The following RANGAP1 variants were observed in gnomAD, a reference collection of about 807,000 sequenced individuals.
RANGAP1 encodes the protein ran GTPase-activating protein 1.
A neutral mutation model predicts 63.5 loss-of-function variants in RANGAP1; 38 were observed. The observed-to-expected ratio is 0.60, with a 90% CI of 0.46 to 0.78. The LOEUF is 0.78. RANGAP1 is among the 30% of genes least tolerant of loss of function. The probability of loss-of-function intolerance (pLI) is 0.00; values close to 1 mark genes in which losing one functional copy is unlikely to be tolerated. For synonymous variants in RANGAP1, 329 were observed against 310.5 expected (o/e 1.06, Z -0.63); for missense variants, 630 against 740.3 (o/e 0.85, Z 1.73).
At chr22:41,248,606 G>A (rs2145669958) in intron 15 of RANGAP1, among the ~76,000 whole-genome samples, 1 of 152,332 alleles carries the variant, frequency 6.6e-6, no homozygotes, top group Admixed American at 6.5e-5. Context: ...CAGGGCGCTT[G>A]GAGACAATCT....
At chr22:41,267,418 G>A (rs1025903954) in intron 4 of RANGAP1, among the ~76,000 whole-genome samples, 3 of 152,148 alleles carry the variant, frequency 2.0e-5, no homozygotes, top group Non-Finnish European at 4.4e-5. Flanking sequence ...TCACTGACCA[G>A]AAACCTGCAC....
chr22:41,248,433 GC>G (rs1299252482), intron 15 of RANGAP1, among the ~76,000 whole-genome samples: 1 of 152,226 alleles, frequency 6.6e-6, no homozygotes, highest in African/African-American at 2.4e-5. Context: ...GGTGCTGGAG[GC>G]CAGCGGGGGC....
chr22:41,258,803 C>T (rs551894301), intron 6 of RANGAP1, among the ~76,000 whole-genome samples: 5 of 152,238 alleles, frequency 3.3e-5, no homozygotes, highest in East Asian at 1.9e-4. Flanking sequence ...TACAGGCGTG[C>T]GCCACCACAC....
the RANGAP1 span, among the ~76,000 whole-genome samples, chr22:41,295,317 G>A: frequency 4.7e-3 from 715 of 151,590 alleles, 5 homozygotes; most frequent in African/African-American, 0.016. Flanking sequence ...TGTAGAAAGA[G>A]GTAGACATGG....
At chr22:41,296,578 T>C in the RANGAP1 span, among the ~76,000 whole-genome samples, 62 of 147,612 alleles carry the variant, frequency 4.2e-4, no homozygotes, top group African/African-American at 1.4e-3. Context: ...ACCCAGGAGA[T>C]GGATGTTGAA....
At chr22:41,297,181 C>T in the RANGAP1 span, among the ~76,000 whole-genome samples, 1 of 152,180 alleles carries the variant, frequency 6.6e-6, no homozygotes. Flanking sequence ...CACTACACTC[C>T]TGCCTGGACA....
chr22:41,256,864 C>CCA (rs1322896729), intron 7 of RANGAP1, 40 bp from the exon 8 acceptor site: 1 of 1,551,710 alleles, frequency 6.4e-7, no homozygotes, highest in African/African-American at 1.4e-5. Context: ...AGGGTGCAGA[C>CCA]CACACCCCAG....
chr22:41,288,905 C>T (rs116701327), upstream of RANGAP1, among the ~76,000 whole-genome samples: 702 of 149,270 alleles, frequency 4.7e-3, 8 homozygotes, highest in African/African-American at 0.015. Flanking sequence ...TGGATTCTGT[C>T]ACTCCTATAT....
chr22:41,258,503 C>T (rs573376100), intron 6 of RANGAP1, among the ~76,000 whole-genome samples: 2 of 152,204 alleles, frequency 1.3e-5, no homozygotes, highest in East Asian at 3.9e-4. Flanking sequence ...TCTTAGGGGC[C>T]CTCCTAGCCC....
chr22:41,268,441 G>T (rs1454570234), intron 3 of RANGAP1, among the ~76,000 whole-genome samples: 1 of 152,060 alleles, frequency 6.6e-6, no homozygotes, highest in Non-Finnish European at 1.5e-5. Context: ...TTTTAGTAGA[G>T]ACAGGGTTTC....
In RANGAP1 at chr22:41,246,308, T is replaced by G; in HGVS notation, c.*295A>C. The G allele has an allele frequency of 3.8e-6, 1 of 263,210 alleles. No individual in the cohort carries two copies. Among genetic ancestry groups the G allele is most frequent in the East Asian group, 8.9e-5 (1 of 11,292 alleles). 16.3% of individuals were successfully genotyped at this position (263,210 alleles called of 1,614,324 possible). A position where few individuals can be genotyped will look rare whatever the true frequency, so the allele number is the denominator to read the frequency against. On this transcript the variant is annotated 3_prime_UTR_variant, in exon 16 of 16. Coordinates refer to ENST00000356244, the MANE Select transcript of RANGAP1 (RefSeq NM_002883.4). ...TCAGCAGAGCGCCCTCAGGTGGAGG[T>G]GAGTTTAATGGCGGAGCAGCTCACA...
At chr22:41,284,174 T>G (rs1025703519) in intron 1 of RANGAP1, among the ~76,000 whole-genome samples, 3 of 149,858 alleles carry the variant, frequency 2.0e-5, no homozygotes, top group African/African-American at 7.4e-5. Flanking sequence ...ATGAACCCGG[T>G]AGGTGGAGCT....
At chr22:41,280,563 C>G in intron 2 of RANGAP1, 2 of 788,908 alleles carry the variant, frequency 2.5e-6, no homozygotes, top group Admixed American at 5.1e-5. Flanking sequence ...TGCAGCTATT[C>G]CCAGGCCTGC....
chr22:41,293,020 G>C, the RANGAP1 span, among the ~76,000 whole-genome samples: 3 of 151,830 alleles, frequency 2.0e-5, no homozygotes, highest in Non-Finnish European at 4.4e-5. Flanking sequence ...CGGATCACGA[G>C]GTCAGGAGAT....
At position 41,246,680 on chromosome 22, in the gene RANGAP1, G is replaced by A. The variant is rs746571696; in HGVS notation, c.1695-8C>T. ...TCCAGGGCGCTGTTGGGCCTGCGGG[G>A]AAAGAGGGGTCAGCAGGTCGGTGGA... On this transcript the variant is annotated splice_polypyrimidine_tract_variant and splice_region_variant and intron_variant, in intron 15 of 15. Coordinates refer to ENST00000356244, the MANE Select transcript of RANGAP1 (RefSeq NM_002883.4). 1.9e-6 allele frequency: 3 copies of A among 1,558,364 alleles called. No homozygotes were observed. Among genetic ancestry groups the A allele is most frequent in the East Asian group, 2.4e-5 (1 of 42,500 alleles).
chr22:41,257,645 T>C lies in RANGAP1; in HGVS notation c.774+303A>G, dbSNP rs959011436. Among the ~76,000 whole-genome samples the C allele has an allele frequency of 6.6e-6, 1 of 152,040 alleles. No individual in the cohort carries two copies. The highest frequency in any genetic ancestry group is 1.5e-5 in the Non-Finnish European group (1 of 68,000). On this transcript the variant is annotated intron_variant, in intron 7 of 15. Coordinates refer to ENST00000356244, the MANE Select transcript of RANGAP1 (RefSeq NM_002883.4). This position sits in a 1 kb window ranked among gnomAD's most constrained non-coding sequence, Gnocchi z 4.0. ...TGAACAAATCAACCAGGAAAACAGA[T>C]GTGGGGAGCAGTCTGCTCCTGTGCA... is the stretch of plus-strand genomic sequence containing the variant.
chr22:41,247,272 G>A (rs1476325133), intron 15 of RANGAP1, among the ~76,000 whole-genome samples: 2 of 152,068 alleles, frequency 1.3e-5, no homozygotes, highest in African/African-American at 4.8e-5. Flanking sequence ...AGCCAGGATG[G>A]TCTTGATCTC....
intron 15 of RANGAP1, 97 bp from the exon 16 acceptor site, chr22:41,246,769 T>G: frequency 1.7e-6 from 2 of 1,160,082 alleles, no homozygotes; most frequent in Non-Finnish European, 2.5e-6. Flanking sequence ...TTTGTTAATT[T>G]GCACAACGAC....
chr22:41,287,502 CA>C (rs1432149578), upstream of RANGAP1, among the ~76,000 whole-genome samples: 3 of 149,192 alleles, frequency 2.0e-5, no homozygotes. Context: ...CCTGTCTCGA[CA>C]AAAAATACAA....
Sources: gnomAD v4.1 joint callset for allele counts (sites outside exome capture counted in the v4.1 genomes callset) on GRCh38, gnomAD v4.1.1 for gene constraint, Gnocchi (gnomAD v3.1) non-coding constraint, MANE v1.5 for transcripts, NCBI Gene and HGNC (gene_info 2026-07-23, HGNC 2026-07-21) for gene names.